MYB: variants seen among roughly 807,000 people sequenced by gnomAD.
MYB encodes the protein transcriptional activator Myb.
MYB carries 28 observed loss-of-function variants against 92.9 expected under a neutral mutation model. The observed-to-expected ratio is 0.30, with a 90% CI of 0.22 to 0.41. MYB has a LOEUF of 0.41. MYB is among the 10% of genes least tolerant of loss of function. The pLI, the probability that MYB is intolerant of heterozygous loss-of-function variation, is 1.00. For synonymous variants in MYB, 295 were observed against 329.1 expected (o/e 0.90, Z 1.12); for missense variants, 679 against 929.3 (o/e 0.73, Z 3.50).
intron 15 of MYB, among the ~76,000 whole-genome samples, chr6:135,216,080 T>A (rs1385487447): frequency 6.6e-6 from 1 of 152,202 alleles, no homozygotes; most frequent in Admixed American, 6.5e-5. Context: ...TGTTCCCCTC[T>A]CTGCATTGAC....
chr6:135,188,146 G>C (rs1776167101), intron 3 of MYB, among the ~76,000 whole-genome samples: 1 of 152,018 alleles, frequency 6.6e-6, no homozygotes, highest in Non-Finnish European at 1.5e-5. Flanking sequence ...GTTGCTTCTT[G>C]TTTTATCTTT....
chr6:135,207,112 A>C (rs1779052292), intron 15 of MYB, among the ~76,000 whole-genome samples: 1 of 152,202 alleles, frequency 6.6e-6, no homozygotes, highest in South Asian at 2.1e-4. Context: ...TATTTCTCAC[A>C]CATGGTATTA....
chr6:135,206,225 AAATAATAAT>A (rs1269845019), intron 15 of MYB, among the ~76,000 whole-genome samples: 19 of 96,656 alleles, frequency 2.0e-4, no homozygotes, highest in African/African-American at 6.6e-4. Context: ...AAAAAAAAAA[AAATAATAAT>A]AATAATAATA....
At chr6:135,192,587 T>C in intron 6 of MYB, 29 bp downstream of exon 6, 1 of 1,593,536 alleles carries the variant, frequency 6.3e-7, no homozygotes, top group Non-Finnish European at 8.6e-7. Flanking sequence ...TCTAGTTTAA[T>C]GAGAGAGACG....
intron 15 of MYB, among the ~76,000 whole-genome samples, chr6:135,214,313 T>C (rs750036696): frequency 4.1e-4 from 62 of 151,994 alleles, no homozygotes; most frequent in Non-Finnish European, 6.8e-4. Flanking sequence ...TCTATATTGA[T>C]TGAAGCCCAG....
At position 135,190,575 on chromosome 6, in the gene MYB, C is replaced by T. The variant is rs2128290120; in HGVS notation, c.527+228C>T. ...CCCTGGGTGAAGACATTTAGCTTTC[C>T]CCAGCCTCAATTTCCCCATTTCCAA... On this transcript the variant is annotated intron_variant, in intron 5 of 15. Transcript: ENST00000341911. This position sits in a 1 kb window ranked among gnomAD's most constrained non-coding sequence, Gnocchi z 4.5. Among the ~76,000 whole-genome samples, 1 of 152,222 alleles carries T rather than the reference C, an allele frequency of 6.6e-6. No individual in the cohort carries two copies. The highest frequency in any genetic ancestry group is 1.9e-4 in the East Asian group (1 of 5,186).
chr6:135,195,865 T>A lies in MYB; in HGVS notation c.1066T>A (p.Ser356Thr). 6.2e-7 allele frequency: 1 copy of A among 1,614,072 alleles called. No homozygotes were observed. Among genetic ancestry groups the A allele is most frequent in the African/African-American group, 1.3e-5 (1 of 75,012 alleles). Residue 356 changes from serine (S) to threonine (T), a missense_variant, in exon 9 of 16, where the codon TCT becomes ACT. By Grantham distance (58) the Ser-to-Thr change is moderately conservative. Around this residue, in one of 8 missense-constraint regions of MYB, gnomAD observed 56 missense variants for 55.8 expected, o/e 1.00. Coordinates refer to ENST00000341911, the MANE Select transcript of MYB (RefSeq NM_001130173.2). ...SCLGEHHSTP[S>T]LPADPGSLPE... is the part of the protein sequence containing the mutation. ...TTTGGGAGAACACCACTCCACTCCA[T>A]CTCTGCCAGCGGATCCTGGCTCCCT...
At position 135,198,896 on chromosome 6, in the gene MYB, C is replaced by G. The variant is rs1219995002; in HGVS notation, c.1567-12C>G. On this transcript the variant is annotated splice_polypyrimidine_tract_variant and intron_variant, in intron 10 of 15. Coordinates refer to ENST00000341911, the MANE Select transcript of MYB (RefSeq NM_001130173.2). Reference sequence around the variant, plus strand: ...TCTAATCTAAGTATTTTTTCTTTCTCTCCATATTTAGTTCTTAAACACTTC... The same window carrying G: ...TCTAATCTAAGTATTTTTTCTTTCTGTCCATATTTAGTTCTTAAACACTTC... 1 of 1,583,264 alleles carries G rather than the reference C, an allele frequency of 6.3e-7. No homozygotes were observed. Among genetic ancestry groups the G allele is most frequent in the African/African-American group, 1.4e-5 (1 of 73,550 alleles).
At chr6:135,203,395 T>TGGG (rs2128306997) in intron 15 of MYB, 71 bp downstream of exon 15, 2 of 1,258,530 alleles carry the variant, frequency 1.6e-6, no homozygotes, top group Non-Finnish European at 2.3e-6. Flanking sequence ...GTGGTGGTGG[T>TGGG]GGTGGTGGTG....
chr6:135,203,027 T>C (rs536950543), intron 14 of MYB, 190 bp from the exon 15 acceptor site: 2 of 703,602 alleles, frequency 2.8e-6, no homozygotes, highest in East Asian at 5.3e-5. Context: ...TTTGCCACAA[T>C]GGGATTAAGG....
At position 135,189,970 on chromosome 6, in the gene MYB, A is replaced by T. The variant is rs210796; in HGVS notation, c.306+87A>T. On this transcript the variant is annotated intron_variant, in intron 4 of 15. Transcript: ENST00000341911. Reference sequence around the variant, plus strand: ...TTTCCTATTTGAGGAAGCAGGTAAAATGGGCAAACAGGAAGTAGAGGACTC... The same window carrying T: ...TTTCCTATTTGAGGAAGCAGGTAAATTGGGCAAACAGGAAGTAGAGGACTC... 0.39 allele frequency: 578,914 copies of T among 1,469,238 alleles called. 114,635 individuals carry two copies. Among genetic ancestry groups the T allele is most frequent in the Admixed American group, 0.44 (23,153 of 52,978 alleles). 91.0% of individuals were successfully genotyped at this position (1,469,238 alleles called of 1,614,324 possible). A position where few individuals can be genotyped will look rare whatever the true frequency, so the allele number is the denominator to read the frequency against.
chr6:135,190,489 A>G lies in MYB; in HGVS notation c.527+142A>G. 1 of 701,580 alleles carries G rather than the reference A, an allele frequency of 1.4e-6. No individual in the cohort carries two copies. The highest frequency in any genetic ancestry group is 2.4e-6 in the Non-Finnish European group (1 of 420,956). 43.5% of individuals were successfully genotyped at this position (701,580 alleles called of 1,614,324 possible). On this transcript the variant is annotated intron_variant, in intron 5 of 15. Coordinates refer to ENST00000341911, the MANE Select transcript of MYB (RefSeq NM_001130173.2). The surrounding 1 kb of genome is among the most constrained non-coding windows in gnomAD (Gnocchi z 4.5). ...GATAAACCAGCTACATAGCTTTTAG[A>G]GATTGAAGACATCTTAGAGTTTATT... is the stretch of plus-strand genomic sequence containing the variant.
rs180844089 is a variant in MYB, at chr6:135,205,976, T to C, written c.2169+2652T>C. ...ATCCCAGCACTTTTGGAGGCCGAGG[T>C]GGGCGGATCACGAGGTCAGGAGATC... is the stretch of plus-strand genomic sequence containing the variant. On this transcript the variant is annotated intron_variant, in intron 15 of 15. Transcript: ENST00000341911. Among the ~76,000 whole-genome samples, 141 of 151,066 alleles carry C rather than the reference T, an allele frequency of 9.3e-4. 1 individual carries two copies. The highest frequency in any genetic ancestry group is 6.1e-3 in the South Asian group (29 of 4,748).
chr6:135,189,154 C>T (rs1776330256), intron 3 of MYB, among the ~76,000 whole-genome samples: 1 of 152,210 alleles, frequency 6.6e-6, no homozygotes, highest in African/African-American at 2.4e-5. Context: ...CTTCAAGACT[C>T]CTCCCAAGGA....
At chr6:135,185,203 A>C (rs556775760) in intron 1 of MYB, among the ~76,000 whole-genome samples, 7 of 152,352 alleles carry the variant, frequency 4.6e-5, no homozygotes, top group Admixed American at 4.6e-4. Flanking sequence ...CTAGAAACTA[A>C]GTATTGTAAA....
rs554565916 is a variant in MYB, at chr6:135,194,272, C to G, written c.844-84C>G. The stretch of plus-strand genomic sequence containing the variant: ...TGAGGCTCTTTGGGCTGTGCGGCAC[C>G]TCATGACCATATTGGCTACACCCAT... On this transcript the variant is annotated intron_variant, in intron 7 of 15. Transcript: ENST00000341911. 1,046 of 1,056,648 alleles carry G rather than the reference C, an allele frequency of 9.9e-4. 11 individuals are homozygous for G. The South Asian group carries it at 0.015, about 15-fold the overall frequency. 65.5% of individuals were successfully genotyped at this position (1,056,648 alleles called of 1,614,324 possible). A position where few individuals can be genotyped will look rare whatever the true frequency, so the allele number is the denominator to read the frequency against.
chr6:135,185,864 C>G, intron 1 of MYB, 39 bp from the exon 2 acceptor site: 1 of 1,513,972 alleles, frequency 6.6e-7, no homozygotes, highest in South Asian at 1.1e-5. Flanking sequence ...TCTAAATCCT[C>G]TTGTTTCAGC....
intron 1 of MYB, among the ~76,000 whole-genome samples, chr6:135,185,247 T>C (rs144835680): frequency 6.6e-6 from 1 of 152,208 alleles, no homozygotes; most frequent in African/African-American, 2.4e-5. Flanking sequence ...AGGCCTGGAG[T>C]TGTGAGCAAT....
At chr6:135,197,999 T>C (rs960548065) in intron 10 of MYB, among the ~76,000 whole-genome samples, 8 of 152,246 alleles carry the variant, frequency 5.3e-5, no homozygotes, top group Admixed American at 3.3e-4. Context: ...GAGATTTGTG[T>C]TCCTAAATTA....
Sources: gnomAD v4.1 joint callset for allele counts (sites outside exome capture counted in the v4.1 genomes callset) on GRCh38, gnomAD v4.1.1 for gene constraint, gnomAD v4.1.1 regional missense constraint, Gnocchi (gnomAD v3.1) non-coding constraint, MANE v1.5 for transcripts, NCBI Gene and HGNC (gene_info 2026-07-23, HGNC 2026-07-21) for gene names.